BBS9: variants seen among roughly 807,000 people sequenced by gnomAD.
The protein encoded by BBS9 is protein PTHB1.
Under a neutral mutation model 117.7 loss-of-function variants are expected in BBS9, and 89 were observed. The observed-to-expected ratio is 0.76, with a 90% CI of 0.64 to 0.90. The LOEUF (loss-of-function observed/expected upper bound fraction) is 0.90, where lower values mean the gene tolerates loss of function less well. BBS9 is among the 40% of genes least tolerant of loss of function. BBS9 has a pLI of 0.00. For synonymous variants in BBS9, 379 were observed against 370.9 expected (o/e 1.02, Z -0.25); for missense variants, 982 against 1,042.2 (o/e 0.94, Z 0.80).
At chr7:33,178,542 T>C (rs1797655515) in intron 5 of BBS9, among the ~76,000 whole-genome samples, 1 of 152,052 alleles carries the variant, frequency 6.6e-6, no homozygotes, top group Non-Finnish European at 1.5e-5. Context: ...TGGTGCTGGA[T>C]TGAGGATAGG....
At chr7:33,510,935 C>T (rs1044097413) in intron 20 of BBS9, among the ~76,000 whole-genome samples, 2 of 152,180 alleles carry the variant, frequency 1.3e-5, no homozygotes, top group African/African-American at 4.8e-5. Context: ...TTTGCATTTG[C>T]AGTACCTATT....
chr7:33,542,769 G>T lies in BBS9; in HGVS notation c.2521+8593G>T, dbSNP rs553834759. ...TATATATATATACACGTATGTATAT[G>T]TGAGTATATATATATATATGTACAC... On this transcript the variant is annotated intron_variant, in intron 21 of 22. Transcript: ENST00000242067. Among the ~76,000 whole-genome samples the T allele has an allele frequency of 1.0e-4, 14 of 135,984 alleles. No individual in the cohort carries two copies. In the East Asian group the frequency reaches 3.3e-3, roughly 32 times the overall value. The allele number at this position is 135,984 out of a possible 152,430, so 89.2% of individuals were successfully genotyped here.
At chr7:33,560,271 C>T (rs2129110866) in intron 21 of BBS9, among the ~76,000 whole-genome samples, 1 of 152,250 alleles carries the variant, frequency 6.6e-6, no homozygotes, top group East Asian at 1.9e-4. Flanking sequence ...GGATTTTCTC[C>T]AAACCAGCCT....
intron 20 of BBS9, 84 bp from the exon 21 acceptor site, chr7:33,533,870 A>G: frequency 6.9e-7 from 1 of 1,440,118 alleles, no homozygotes; most frequent in Non-Finnish European, 9.8e-7. Context: ...GAACATAAAC[A>G]CTCAATAATC....
chr7:33,378,576 A>G (rs1329611880), intron 17 of BBS9, among the ~76,000 whole-genome samples: 5 of 152,196 alleles, frequency 3.3e-5, no homozygotes, highest in Admixed American at 2.6e-4. Context: ...AAATTTTTAT[A>G]AAAGGAGAAG....
At chr7:33,535,285 T>G (rs922776035) in intron 21 of BBS9, among the ~76,000 whole-genome samples, 1 of 152,188 alleles carries the variant, frequency 6.6e-6, no homozygotes, top group East Asian at 1.9e-4. Flanking sequence ...TGGGGCCCTA[T>G]GAGTTTATCA....
At chr7:33,142,628 T>G (rs1401533188) in intron 1 of BBS9, among the ~76,000 whole-genome samples, 2 of 152,226 alleles carry the variant, frequency 1.3e-5, no homozygotes, top group Non-Finnish European at 2.9e-5. Context: ...TCACCATTCT[T>G]AATGTTTCTG....
At chr7:33,561,889 A>G (rs1406955588) in intron 21 of BBS9, among the ~76,000 whole-genome samples, 1 of 152,212 alleles carries the variant, frequency 6.6e-6, no homozygotes, top group Non-Finnish European at 1.5e-5. Context: ...ACTGATGGCT[A>G]TGTACTTTAT....
At chr7:33,410,697 C>T (rs935460526) in intron 19 of BBS9, among the ~76,000 whole-genome samples, 1 of 152,164 alleles carries the variant, frequency 6.6e-6, no homozygotes, top group Non-Finnish European at 1.5e-5. Flanking sequence ...CTTTGACCTT[C>T]TGCTAGCTTC....
intron 5 of BBS9, among the ~76,000 whole-genome samples, chr7:33,255,360 T>TTTTTTTTA (rs1247788646): frequency 6.6e-6 from 1 of 151,510 alleles, no homozygotes. Context: ...TTTTTTTTTT[T>TTTTTTTTA]TTTGCATGTG....
intron 19 of BBS9, among the ~76,000 whole-genome samples, chr7:33,455,335 T>C (rs1004738788): frequency 2.0e-5 from 3 of 152,132 alleles, no homozygotes; most frequent in Non-Finnish European, 2.9e-5. Flanking sequence ...AAACCTCAGT[T>C]TCTGAGATGA....
At chr7:33,481,208 A>C (rs961672810) in intron 19 of BBS9, among the ~76,000 whole-genome samples, 3 of 152,178 alleles carry the variant, frequency 2.0e-5, no homozygotes, top group African/African-American at 7.2e-5. Context: ...AATACAAGTT[A>C]ATGTATGGTA....
At chr7:33,228,787 C>T (rs780614845) in intron 5 of BBS9, among the ~76,000 whole-genome samples, 5 of 152,020 alleles carry the variant, frequency 3.3e-5, no homozygotes, top group African/African-American at 9.7e-5. Context: ...GTCATCTTCA[C>T]GTTGAATAGG....
intron 19 of BBS9, among the ~76,000 whole-genome samples, chr7:33,452,020 G>A (rs1243057303): frequency 5.9e-5 from 9 of 152,044 alleles, no homozygotes; most frequent in Non-Finnish European, 1.3e-4. Flanking sequence ...TTTTAGTAGA[G>A]AGGGGGTTTT....
chr7:33,381,541 A>G (rs1291950131), intron 17 of BBS9, among the ~76,000 whole-genome samples: 5 of 152,092 alleles, frequency 3.3e-5, no homozygotes, highest in Non-Finnish European at 5.9e-5. Context: ...GTACTTTATC[A>G]TCATTATTCT....
At chr7:33,142,111 C>T (rs1049624120) in intron 1 of BBS9, among the ~76,000 whole-genome samples, 6 of 151,950 alleles carry the variant, frequency 3.9e-5, no homozygotes, top group South Asian at 2.1e-4. Flanking sequence ...TTAGTAGAGA[C>T]GGGGTTTCAC....
At position 33,598,758 on chromosome 7, in the gene BBS9, A is replaced by G. The variant is rs182069494; in HGVS notation, c.2522-6107A>G. Among the ~76,000 whole-genome samples, 392 of 152,310 alleles carry G rather than the reference A, an allele frequency of 2.6e-3. 3 individuals carry two copies. Among genetic ancestry groups the G allele is most frequent in the African/African-American group, 8.8e-3 (367 of 41,572 alleles). ...ATGCTTTCAAACTTATGATAATAACACCATAGGATATTCTGGTAGTAGTAT... is the reference window on the plus strand; with the variant it reads ...ATGCTTTCAAACTTATGATAATAACGCCATAGGATATTCTGGTAGTAGTAT... On this transcript the variant is annotated intron_variant, in intron 21 of 22. Transcript: ENST00000242067.
chr7:33,266,329 T>C (rs1798815180), intron 7 of BBS9, among the ~76,000 whole-genome samples: 1 of 152,192 alleles, frequency 6.6e-6, no homozygotes, highest in Admixed American at 6.5e-5. Context: ...ACTTACCCAA[T>C]GGAGTGATTT....
At chr7:33,306,664 T>A (rs929975402) in intron 9 of BBS9, among the ~76,000 whole-genome samples, 2 of 152,068 alleles carry the variant, frequency 1.3e-5, no homozygotes, top group Non-Finnish European at 2.9e-5. Flanking sequence ...TTGTGAAAAA[T>A]TTGTTTTGTA....
Sources: gnomAD v4.1 joint callset for allele counts (sites outside exome capture counted in the v4.1 genomes callset) on GRCh38, gnomAD v4.1.1 for gene constraint, MANE v1.5 for transcripts, NCBI Gene and HGNC (gene_info 2026-07-23, HGNC 2026-07-21) for gene names.